The following VNN1 variants were observed in gnomAD, a reference collection of about 807,000 sequenced individuals.
The protein encoded by VNN1 is pantetheinase.
Under a neutral mutation model 41.9 loss-of-function variants are expected in VNN1, and 29 were observed. That is an observed-to-expected ratio of 0.69 (90% CI 0.52 to 0.94). VNN1 has a LOEUF of 0.94. Among genes scored for constraint, VNN1 ranks in the 40% least tolerant of loss-of-function variants. The pLI, the probability that VNN1 is intolerant of heterozygous loss-of-function variation, is 0.00. For missense variants in VNN1, 637 were observed against 621.1 expected, an observed-to-expected ratio of 1.03 and a Z score of -0.27; for synonymous variants, 233 against 224.4, an observed-to-expected ratio of 1.04 and a Z score of -0.34.
At chr6:132,697,405 A>T (rs1778389888) in intron 2 of VNN1, among the ~76,000 whole-genome samples, 1 of 152,186 alleles carries the variant, frequency 6.6e-6, no homozygotes, top group Non-Finnish European at 1.5e-5. Context: ...AGGATTGGCT[A>T]GGGCAGTACC....
intron 1 of VNN1, among the ~76,000 whole-genome samples, chr6:132,713,362 A>T (rs1005256667): frequency 6.6e-6 from 1 of 152,214 alleles, no homozygotes; most frequent in African/African-American, 2.4e-5. Context: ...ATTAGAATGA[A>T]GTGTGAAGTA....
At chr6:132,692,199 A>G (rs1438200155) in intron 5 of VNN1, 24 bp downstream of exon 5, 17 of 1,518,280 alleles carry the variant, frequency 1.1e-5, no homozygotes, top group Non-Finnish European at 1.5e-5. Flanking sequence ...TTATCCAGTA[A>G]CTCTTCTGAC....
At chr6:132,686,242 T>G (rs979024739) in intron 5 of VNN1, among the ~76,000 whole-genome samples, 1 of 151,932 alleles carries the variant, frequency 6.6e-6, no homozygotes, top group African/African-American at 2.4e-5. Flanking sequence ...AGGTCAGGAG[T>G]TCGAGACCAG....
At chr6:132,696,828 G>A (rs1016561680) in intron 2 of VNN1, among the ~76,000 whole-genome samples, 21 of 152,028 alleles carry the variant, frequency 1.4e-4, no homozygotes, top group South Asian at 4.2e-4. Context: ...AGAGGAGAGG[G>A]CACAGTGGCT....
chr6:132,685,901 G>C (rs1349461832), intron 5 of VNN1, among the ~76,000 whole-genome samples: 1 of 152,096 alleles, frequency 6.6e-6, no homozygotes, highest in African/African-American at 2.4e-5. Flanking sequence ...AGTTGAAGGG[G>C]ATTACCTGAA....
intron 2 of VNN1, among the ~76,000 whole-genome samples, chr6:132,708,041 C>T (rs999717064): frequency 1.3e-5 from 2 of 152,152 alleles, no homozygotes; most frequent in Admixed American, 6.5e-5. Context: ...CAAAACATCT[C>T]ATGTACCCTA....
chr6:132,709,392 C>G (rs1382586840), intron 2 of VNN1, among the ~76,000 whole-genome samples: 2 of 152,102 alleles, frequency 1.3e-5, no homozygotes, highest in East Asian at 3.9e-4. Flanking sequence ...ATTAAGGCAG[C>G]TGGGCGTGAT....
rs1157395406 is a variant in VNN1, at chr6:132,683,727, C to T, written c.1360-405G>A. Among the ~76,000 whole-genome samples, 9 of 152,172 alleles carry T rather than the reference C, an allele frequency of 5.9e-5. No homozygotes were observed. The East Asian group carries it at 1.3e-3, about 23-fold the overall frequency. On this transcript the variant is annotated intron_variant, in intron 6 of 6. Coordinates refer to ENST00000367928, the MANE Select transcript of VNN1 (RefSeq NM_004666.3). ...CCTGTCTCTTGCTCACCACAACCTC[C>T]TCACCATTCCATTGTCCTCCCACAC...
At chr6:132,694,699 GAA>G (rs537526092) in intron 2 of VNN1, among the ~76,000 whole-genome samples, 1 of 131,098 alleles carries the variant, frequency 7.6e-6, no homozygotes, top group Non-Finnish European at 1.7e-5. Flanking sequence ...TACAAAAAAT[GAA>G]AAAAAAAAAA....
intron 2 of VNN1, among the ~76,000 whole-genome samples, chr6:132,710,787 G>A (rs1778588776): frequency 6.6e-6 from 1 of 152,180 alleles, no homozygotes; most frequent in South Asian, 2.1e-4. Context: ...GGGTATTTGG[G>A]TTGGTTCCAA....
intron 2 of VNN1, among the ~76,000 whole-genome samples, chr6:132,707,560 A>G (rs1396870932): frequency 2.0e-5 from 3 of 152,248 alleles, no homozygotes; most frequent in Non-Finnish European, 2.9e-5. Context: ...CATGTACACA[A>G]TAAAGTACTA....
In VNN1 at chr6:132,681,660, TTA is replaced by T. The variant is rs1778124010; in HGVS notation, c.*1478_*1479del. On this transcript the variant is annotated 3_prime_UTR_variant, in exon 7 of 7. Transcript: ENST00000367928. ...ATATGTTTTCTGTTTTACATTGAAATTATATGAGAATACAGAGAATTGCTCTG... is the reference window on the plus strand; with the variant it reads ...ATATGTTTTCTGTTTTACATTGAAATTATGAGAATACAGAGAATTGCTCTG... The T allele has an allele frequency of 2.0e-5, 3 of 152,752 alleles. No individual in the cohort carries two copies. Among genetic ancestry groups the T allele is most frequent in the South Asian group, 4.1e-4 (2 of 4,826 alleles). 9.5% of individuals were successfully genotyped at this position (152,752 alleles called of 1,614,324 possible).
At chr6:132,687,048 T>C (rs75291201) in intron 5 of VNN1, among the ~76,000 whole-genome samples, 4,232 of 152,004 alleles carry the variant, frequency 0.028, 194 homozygotes, top group African/African-American at 0.097. Flanking sequence ...ATTAGAGCCC[T>C]AATCCAAGAG....
chr6:132,683,761 T>C (rs1778164919), intron 6 of VNN1, among the ~76,000 whole-genome samples: 1 of 152,196 alleles, frequency 6.6e-6, no homozygotes, highest in Non-Finnish European at 1.5e-5. Flanking sequence ...ACCCCAGCAG[T>C]GGTTTCTACC....
intron 5 of VNN1, among the ~76,000 whole-genome samples, chr6:132,686,896 A>T (rs1778217053): frequency 6.6e-6 from 1 of 152,302 alleles, no homozygotes; most frequent in East Asian, 1.9e-4. Context: ...GAAGACAAGA[A>T]AAAAGAGTTC....
At position 132,693,097 on chromosome 6, in the gene VNN1, G is replaced by A. The variant is rs770300707; in HGVS notation, c.753C>T (p.His251=). ...CCCTCATGCCCATAGCCCAAGCTGA[G>A]TGGAATTCAACAGCTGACAAATGTG... The part of the protein sequence containing the change: ...VLPHLSAVEF[H]SAWAMGMRVN... Residue 251 remains histidine, a synonymous_variant, in exon 4 of 7, where the codon CAC becomes CAT. Coordinates refer to ENST00000367928, the MANE Select transcript of VNN1 (RefSeq NM_004666.3). The A allele has an allele frequency of 1.9e-6, 3 of 1,613,944 alleles. No individual in the cohort carries two copies. Among genetic ancestry groups the A allele is most frequent in the African/African-American group, 1.3e-5 (1 of 74,908 alleles).
chr6:132,691,166 GTGT>G (rs1416022423), intron 5 of VNN1, among the ~76,000 whole-genome samples: 1 of 152,224 alleles, frequency 6.6e-6, no homozygotes, highest in East Asian at 1.9e-4. Context: ...TAGACTTTGT[GTGT>G]CTTTCATGTT....
intron 5 of VNN1, among the ~76,000 whole-genome samples, chr6:132,687,840 A>T (rs564733582): frequency 7.2e-5 from 11 of 152,312 alleles, no homozygotes; most frequent in Non-Finnish European, 1.0e-4. Context: ...AACGAAATTT[A>T]AAAAAATAAG....
chr6:132,680,974 G>A lies in VNN1; in HGVS notation c.*2166C>T, dbSNP rs1778110067. 1.3e-5 allele frequency among the ~76,000 whole-genome samples: 2 copies of A among 151,944 alleles called. No homozygotes were observed. The highest frequency in any genetic ancestry group is 4.1e-4 in the South Asian group (2 of 4,824). Reference sequence around the variant, plus strand: ...ATATCACATATAGCAAAAAGAAAAGGAAAACAATCCTATTTTTTAAATTAC... The same window carrying A: ...ATATCACATATAGCAAAAAGAAAAGAAAAACAATCCTATTTTTTAAATTAC... On this transcript the variant is annotated 3_prime_UTR_variant, in exon 7 of 7. Coordinates refer to ENST00000367928, the MANE Select transcript of VNN1 (RefSeq NM_004666.3).
Sources: allele counts gnomAD v4.1 joint callset (sites outside exome capture counted in the v4.1 genomes callset), GRCh38; gene constraint gnomAD v4.1.1; transcripts MANE v1.5; gene names NCBI Gene and HGNC (gene_info 2026-07-23, HGNC 2026-07-21).